The following PTPN14 variants were observed in gnomAD, a reference collection of about 807,000 sequenced individuals.
PTPN14 encodes tyrosine-protein phosphatase non-receptor type 14.
PTPN14 carries 53 observed loss-of-function variants against 126.8 expected under a neutral mutation model. That is an observed-to-expected ratio of 0.42 (90% CI 0.34 to 0.53). PTPN14 has a LOEUF of 0.53. Among genes scored for constraint, PTPN14 ranks in the 20% least tolerant of loss-of-function variants. PTPN14 has a pLI of 0.08. For synonymous variants in PTPN14, 630 were observed against 599.3 expected, an observed-to-expected ratio of 1.05 and a Z score of -0.75; for missense variants, 1,257 against 1,552.9, an observed-to-expected ratio of 0.81 and a Z score of 3.20.
At chr1:214,448,397 A>ATTTTTTTTTT (rs34637675) in intron 3 of PTPN14, among the ~76,000 whole-genome samples, 3 of 133,528 alleles carry the variant, frequency 2.2e-5, no homozygotes, top group Non-Finnish European at 4.8e-5. Flanking sequence ...AGCCGGGCTA[A>ATTTTTTTTTT]TTTTTTTTTT....
chr1:214,549,145 T>C (rs1206766527), intron 1 of PTPN14, among the ~76,000 whole-genome samples: 1 of 152,198 alleles, frequency 6.6e-6, no homozygotes, highest in Admixed American at 6.5e-5. Context: ...TGTACTGGCC[T>C]GAGGTCACCA....
At chr1:214,492,434 T>C (rs768396714) in intron 1 of PTPN14, among the ~76,000 whole-genome samples, 2 of 152,210 alleles carry the variant, frequency 1.3e-5, no homozygotes, top group Non-Finnish European at 2.9e-5. Flanking sequence ...ATAACACTGA[T>C]TTAATTTTAA....
rs147330282 is a variant in PTPN14 at position 214,539,831 on chromosome 1, T to C, written c.-155+11352A>G. ...GGATGAAGGGGCACAAAGTACACAC[T>C]CATACCTAACCTGGCACTCAGAAAA... On this transcript the variant is annotated intron_variant, in intron 1 of 18. Coordinates refer to ENST00000366956, the MANE Select transcript of PTPN14 (RefSeq NM_005401.5). Among the ~76,000 whole-genome samples, 309 of 152,018 alleles carry C rather than the reference T, an allele frequency of 2.0e-3. 1 individual carries two copies. Among genetic ancestry groups the C allele is most frequent in the African/African-American group, 7.4e-3 (307 of 41,528 alleles).
At chr1:214,464,514 G>T in intron 2 of PTPN14, 116 bp downstream of exon 2, 1 of 1,363,164 alleles carries the variant, frequency 7.3e-7, no homozygotes, top group Non-Finnish European at 9.9e-7. Flanking sequence ...TCGTCGCTTA[G>T]GCCAAAAAAC....
Position 214,452,063 on chromosome 1 carries a change from C to G in PTPN14, c.175-89G>C, listed in dbSNP as rs1012202432. ...AAACGAGACTCCAGCATGCTGCATCCCACCCTGGGTTCCCCAGCCCATATA... is the reference window on the plus strand; with the variant it reads ...AAACGAGACTCCAGCATGCTGCATCGCACCCTGGGTTCCCCAGCCCATATA... On this transcript the variant is annotated intron_variant, in intron 2 of 18. Coordinates refer to ENST00000366956, the MANE Select transcript of PTPN14 (RefSeq NM_005401.5). 1.2e-5 allele frequency: 17 copies of G among 1,430,094 alleles called. No individual in the cohort carries two copies. In the African/African-American group the frequency reaches 1.9e-4, roughly 16 times the overall value. 88.6% of individuals were successfully genotyped at this position (1,430,094 alleles called of 1,614,324 possible). A position where few individuals can be genotyped will look rare whatever the true frequency, so the allele number is the denominator to read the frequency against.
At chr1:214,385,320 G>A (rs1447688943) in intron 12 of PTPN14, among the ~76,000 whole-genome samples, 1 of 152,162 alleles carries the variant, frequency 6.6e-6, no homozygotes, top group African/African-American at 2.4e-5. Flanking sequence ...TGTCCGCACA[G>A]CTAGTTCATC....
At chr1:214,480,950 C>T (rs1660971023) in intron 1 of PTPN14, among the ~76,000 whole-genome samples, 1 of 152,122 alleles carries the variant, frequency 6.6e-6, no homozygotes, top group Non-Finnish European at 1.5e-5. Flanking sequence ...AGAGCCCACA[C>T]AGAGGCAAGG....
At chr1:214,411,301 A>G (rs539032337) in intron 5 of PTPN14, among the ~76,000 whole-genome samples, 1 of 152,274 alleles carries the variant, frequency 6.6e-6, no homozygotes, top group East Asian at 1.9e-4. Flanking sequence ...AAAGCAGCCA[A>G]ATGGGAAAGG....
At chr1:214,427,580 C>T (rs1464552215) in intron 3 of PTPN14, among the ~76,000 whole-genome samples, 1 of 152,044 alleles carries the variant, frequency 6.6e-6, no homozygotes, top group East Asian at 1.9e-4. Context: ...TTATTCTAGG[C>T]ACTAGGGATA....
chr1:214,397,151 G>A (rs1658897192), intron 8 of PTPN14, among the ~76,000 whole-genome samples: 1 of 152,152 alleles, frequency 6.6e-6, no homozygotes, highest in Non-Finnish European at 1.5e-5. Context: ...CTGATCCAGA[G>A]AGTACATGGC....
rs533937921 is a variant in PTPN14 at position 214,402,111 on chromosome 1, A to T, written c.582-339T>A. Among the ~76,000 whole-genome samples, 4 of 145,306 alleles carry T rather than the reference A, an allele frequency of 2.8e-5. No homozygotes were observed. In the South Asian group the frequency reaches 6.6e-4, roughly 24 times the overall value. On this transcript the variant is annotated intron_variant, in intron 6 of 18. Transcript: ENST00000366956. ...CCATCTGGGAGAAATCTTCATTATT[A>T]AAAAAAAAAAGGAAAAAGTTTATCA... is the stretch of plus-strand genomic sequence containing the variant.
intron 2 of PTPN14, among the ~76,000 whole-genome samples, chr1:214,454,818 A>G (rs1399574591): frequency 6.6e-6 from 1 of 152,188 alleles, no homozygotes; most frequent in Non-Finnish European, 1.5e-5. Flanking sequence ...TTACATAACT[A>G]TGGAAGAAAC....
chr1:214,536,599 AC>A (rs1309109180), intron 1 of PTPN14, among the ~76,000 whole-genome samples: 2 of 151,878 alleles, frequency 1.3e-5, no homozygotes, highest in East Asian at 3.9e-4. Context: ...AGCTTGCGTA[AC>A]CTAGTGATAC....
At chr1:214,371,932 CA>C (rs760425407) in intron 16 of PTPN14, among the ~76,000 whole-genome samples, 1 of 152,248 alleles carries the variant, frequency 6.6e-6, no homozygotes, top group East Asian at 1.9e-4. Context: ...AAGGCCACTG[CA>C]ATACCATGGA....
At chr1:214,386,985 G>A in intron 11 of PTPN14, 63 bp from the exon 12 acceptor site, 1 of 1,433,946 alleles carries the variant, frequency 7.0e-7, no homozygotes, top group Non-Finnish European at 9.7e-7. Flanking sequence ...GACTCACACA[G>A]CCGGCCCAGG....
chr1:214,496,463 G>A (rs1381451578), intron 1 of PTPN14, among the ~76,000 whole-genome samples: 1 of 152,132 alleles, frequency 6.6e-6, no homozygotes, highest in Non-Finnish European at 1.5e-5. Flanking sequence ...AAACCCCTCG[G>A]GGAAAATGAG....
In PTPN14 at chr1:214,363,991, C is replaced by T. The variant is rs1265090853; in HGVS notation, c.3435+521G>A. 2.0e-5 allele frequency among the ~76,000 whole-genome samples: 3 copies of T among 152,126 alleles called. 1 individual carries two copies. The highest frequency in any genetic ancestry group is 2.0e-4 in the Admixed American group (3 of 15,278). ...GCAAAGACGGGGATGTTTGCGTGCTCAAAGTATCTACTCTGCTCCGCTACA... is the reference window on the plus strand; with the variant it reads ...GCAAAGACGGGGATGTTTGCGTGCTTAAAGTATCTACTCTGCTCCGCTACA... On this transcript the variant is annotated intron_variant, in intron 18 of 18. Transcript: ENST00000366956.
chr1:214,350,929 T>G lies in PTPN14; in HGVS notation c.*6993A>C, dbSNP rs948862034. 1 of 151,950 alleles carries G rather than the reference T, an allele frequency of 6.6e-6. No homozygotes were observed. Among genetic ancestry groups the G allele is most frequent in the Non-Finnish European group, 1.5e-5 (1 of 67,990 alleles). 9.4% of individuals were successfully genotyped at this position (151,950 alleles called of 1,614,324 possible). On this transcript the variant is annotated 3_prime_UTR_variant, in exon 19 of 19. Transcript: ENST00000366956. ...AAAAAATTAAAATAAGATTTCCTAATTACATATTTCTGAGAGGTTTAAGGC... is the reference window on the plus strand; with the variant it reads ...AAAAAATTAAAATAAGATTTCCTAAGTACATATTTCTGAGAGGTTTAAGGC...
At chr1:214,458,974 G>A (rs570650824) in intron 2 of PTPN14, among the ~76,000 whole-genome samples, 194 of 46,708 alleles carry the variant, frequency 4.2e-3, no homozygotes, top group Non-Finnish European at 4.8e-3. Context: ...TATATCTCTG[G>A]AATTGTCTTT....
Sources: allele counts gnomAD v4.1 joint callset (sites outside exome capture counted in the v4.1 genomes callset), GRCh38; gene constraint gnomAD v4.1.1; transcripts MANE v1.5; gene names NCBI Gene and HGNC (gene_info 2026-07-23, HGNC 2026-07-21).